The following PICALM variants were observed in gnomAD, a reference collection of about 807,000 sequenced individuals.
PICALM encodes the protein phosphatidylinositol binding clathrin assembly protein, also known as phosphatidylinositol-binding clathrin assembly protein.
A neutral mutation model predicts 80.5 loss-of-function variants in PICALM; 40 were observed. The ratio of observed to expected loss-of-function variants is 0.50; its 90% CI spans 0.39 to 0.65. The LOEUF (loss-of-function observed/expected upper bound fraction) is 0.65. Ranked by LOEUF, PICALM falls within the 30% of genes least tolerant of loss-of-function variation. The pLI, the probability that PICALM is intolerant of heterozygous loss-of-function variation, is 0.00. For missense variants in PICALM, 676 were observed against 778.9 expected (o/e 0.87, Z 1.57); for synonymous variants, 288 against 260.3 (o/e 1.11, Z -1.02).
At chr11:86,037,316 G>A (rs1484151385) in intron 1 of PICALM, among the ~76,000 whole-genome samples, 1 of 137,132 alleles carries the variant, frequency 7.3e-6, no homozygotes, top group Non-Finnish European at 1.5e-5. Flanking sequence ...CTGGAGTGCA[G>A]TGGTGTGATC....
intron 18 of PICALM, among the ~76,000 whole-genome samples, chr11:85,975,679 C>T (rs2094257190): frequency 2.7e-5 from 4 of 146,962 alleles, no homozygotes; most frequent in Admixed American, 2.1e-4. Context: ...TCACTGTGAC[C>T]TCTGCCTCCT....
intron 1 of PICALM, among the ~76,000 whole-genome samples, chr11:86,034,598 A>C (rs1365203692): frequency 6.6e-6 from 1 of 152,222 alleles, no homozygotes; most frequent in Non-Finnish European, 1.5e-5. Flanking sequence ...TCTCAATAAC[A>C]TAAAAACTGA....
chr11:86,069,855 G>T (rs549268794), upstream of PICALM: 5 of 152,378 alleles, frequency 3.3e-5, no homozygotes, highest in East Asian at 5.8e-4. Flanking sequence ...TCATTCTCTA[G>T]GGTGTGGAAT....
chr11:85,968,497 T>C (rs2135440009), intron 19 of PICALM, among the ~76,000 whole-genome samples: 1 of 152,334 alleles, frequency 6.6e-6, no homozygotes, highest in South Asian at 2.1e-4. Context: ...CAAAAATACC[T>C]AAACTGCCAT....
chr11:86,004,183 T>G (rs928657393), intron 8 of PICALM, among the ~76,000 whole-genome samples: 1 of 152,116 alleles, frequency 6.6e-6, no homozygotes, highest in South Asian at 2.1e-4. Flanking sequence ...AATCCAAAAC[T>G]CCATCATTTG....
intron 5 of PICALM, among the ~76,000 whole-genome samples, chr11:86,012,915 T>C (rs2095422444): frequency 1.3e-5 from 2 of 152,126 alleles, no homozygotes; most frequent in Non-Finnish European, 2.9e-5. Context: ...GAAATACAAC[T>C]TCACTTATCA....
intron 19 of PICALM, among the ~76,000 whole-genome samples, chr11:85,961,808 T>C (rs2093697148): frequency 6.6e-6 from 1 of 152,200 alleles, no homozygotes; most frequent in African/African-American, 2.4e-5. Context: ...ATTCAAATCC[T>C]ATAGAGGATT....
chr11:86,002,315 G>C (rs1390513367), intron 9 of PICALM, among the ~76,000 whole-genome samples: 1 of 152,024 alleles, frequency 6.6e-6, no homozygotes, highest in Non-Finnish European at 1.5e-5. Context: ...ATTACTAAAA[G>C]AAAGATCAAA....
chr11:86,056,047 G>C (rs1207827952), intron 1 of PICALM, among the ~76,000 whole-genome samples: 1 of 147,754 alleles, frequency 6.8e-6, no homozygotes, highest in Non-Finnish European at 1.5e-5. Context: ...AAGGTGGGAG[G>C]ATCACTTGAA....
At chr11:86,004,629 G>A (rs192252446) in intron 8 of PICALM, among the ~76,000 whole-genome samples, 5 of 152,068 alleles carry the variant, frequency 3.3e-5, no homozygotes, top group East Asian at 1.9e-4. Context: ...AGAACTGTCC[G>A]CTCTAAGTGA....
chr11:86,026,446 G>T, intron 2 of PICALM, 79 bp from the exon 3 acceptor site: 3 of 785,556 alleles, frequency 3.8e-6, no homozygotes, highest in Non-Finnish European at 4.3e-6. Flanking sequence ...GAAAAGTTAT[G>T]GTTAACACAT....
rs778441424 is a variant in PICALM, at chr11:85,990,276, C to A, written c.1382G>T (p.Arg461Met). The A allele has an allele frequency of 5.0e-6, 8 of 1,603,444 alleles. No homozygotes were observed. The East Asian group carries it at 1.8e-4, about 36-fold the overall frequency. Residue 461 changes from arginine to methionine, a missense_variant, in exon 13 of 20, where the codon AGG becomes ATG. Coordinates refer to ENST00000393346, the MANE Select transcript of PICALM (RefSeq NM_007166.4). ...ISSDVSTFTT[R>M]TPTHEMFVGF... The stretch of plus-strand genomic sequence containing the variant: ...AACAAACATTTCATGAGTAGGTGTC[C>A]TAGTAGTAAAAGTAGATACATCTGA...
intron 12 of PICALM, among the ~76,000 whole-genome samples, chr11:85,995,212 AAAGTT>A (rs1245684635): frequency 1.3e-5 from 2 of 152,254 alleles, no homozygotes; most frequent in Non-Finnish European, 2.9e-5. Context: ...TCCTTATATG[AAAGTT>A]AAGACAGGAT....
intron 1 of PICALM, among the ~76,000 whole-genome samples, chr11:86,065,565 G>T (rs975737976): frequency 1.3e-5 from 2 of 152,162 alleles, no homozygotes; most frequent in African/African-American, 4.8e-5. Flanking sequence ...CTCCAGCTGT[G>T]AGACAGGATT....
rs1312567607 is a variant in PICALM, at chr11:86,031,620, A to C, written c.131-9T>G. The C allele has an allele frequency of 6.3e-7, 1 of 1,584,832 alleles. No individual in the cohort carries two copies. Among genetic ancestry groups the C allele is most frequent in the Non-Finnish European group, 8.6e-7 (1 of 1,167,942 alleles). On this transcript the variant is annotated splice_polypyrimidine_tract_variant and intron_variant, in intron 1 of 19. Coordinates refer to ENST00000393346, the MANE Select transcript of PICALM (RefSeq NM_007166.4). ...TGTGCACTGAATTAAGTCTGCAATAAAAAATTTTTAAATGATTAATTTCCT... is the reference window on the plus strand; with the variant it reads ...TGTGCACTGAATTAAGTCTGCAATACAAAATTTTTAAATGATTAATTTCCT...
At position 85,975,491 on chromosome 11, in the gene PICALM, T is replaced by C. The variant is rs186585024; in HGVS notation, c.1840-679A>G. ...CTGTTTTGGTTAAAATGCAATGCTC[T>C]AAAATCTTTCCTTTCAAGAAGTTCT... On this transcript the variant is annotated intron_variant, in intron 18 of 19. Coordinates refer to ENST00000393346, the MANE Select transcript of PICALM (RefSeq NM_007166.4). Among the ~76,000 whole-genome samples, 4 of 151,926 alleles carry C rather than the reference T, an allele frequency of 2.6e-5. No homozygotes were observed. In the East Asian group the frequency reaches 7.7e-4, roughly 29 times the overall value.
At chr11:86,049,617 A>G (rs540797214) in intron 1 of PICALM, among the ~76,000 whole-genome samples, 5 of 151,348 alleles carry the variant, frequency 3.3e-5, no homozygotes, top group African/African-American at 1.2e-4. Context: ...CAGTGGCGCA[A>G]TCTCGGGGTT....
At chr11:86,009,378 G>T (rs948785095) in intron 7 of PICALM, among the ~76,000 whole-genome samples, 1 of 150,292 alleles carries the variant, frequency 6.7e-6, no homozygotes, top group Admixed American at 6.6e-5. Context: ...AGCAGATCTG[G>T]AGTACAGAAG....
intron 3 of PICALM, among the ~76,000 whole-genome samples, chr11:86,024,767 TTAAA>T (rs1365110930): frequency 6.6e-6 from 1 of 152,228 alleles, no homozygotes; most frequent in East Asian, 1.9e-4. Context: ...TCTGTAAATC[TTAAA>T]TACTCATATC....
Sources: gnomAD v4.1 joint callset for allele counts (sites outside exome capture counted in the v4.1 genomes callset) on GRCh38, gnomAD v4.1.1 for gene constraint, MANE v1.5 for transcripts, NCBI Gene and HGNC (gene_info 2026-07-23, HGNC 2026-07-21) for gene names.